TRHDE: variants seen among roughly 807,000 people sequenced by gnomAD.
TRHDE encodes thyrotropin-releasing hormone-degrading ectoenzyme.
Under a neutral mutation model 125.7 loss-of-function variants are expected in TRHDE, and 72 were observed. That is an observed-to-expected ratio of 0.57 (90% CI 0.47 to 0.70). The LOEUF (loss-of-function observed/expected upper bound fraction) is 0.70. Ranked by LOEUF, TRHDE falls within the 30% of genes least tolerant of loss-of-function variation. The pLI, the probability that TRHDE is intolerant of heterozygous loss-of-function variation, is 0.00. For missense variants in TRHDE, 1,110 were observed against 1,327.1 expected, an observed-to-expected ratio of 0.84 and a Z score of 2.54; for synonymous variants, 509 against 509.1, an observed-to-expected ratio of 1.00 and a Z score of 0.00.
intron 7 of TRHDE, among the ~76,000 whole-genome samples, chr12:72,544,170 A>T (rs757987306): frequency 1.3e-5 from 2 of 151,480 alleles, no homozygotes; most frequent in Non-Finnish European, 3.0e-5. Flanking sequence ...GATTTAGTGT[A>T]TCATCAGCAG....
chr12:72,420,619 G>A (rs1251226145), intron 3 of TRHDE, among the ~76,000 whole-genome samples: 1 of 152,014 alleles, frequency 6.6e-6, no homozygotes, highest in African/African-American at 2.4e-5. Context: ...AAAGCTAAGG[G>A]GATTAAATTA....
chr12:72,187,318 C>CACACAA (rs1877239467), intron 2 of TRHDE, among the ~76,000 whole-genome samples: 2 of 127,454 alleles, frequency 1.6e-5, no homozygotes, highest in African/African-American at 6.0e-5. Context: ...ACAACACACA[C>CACACAA]ACACACACAC....
chr12:72,221,322 G>A (rs2687490), intron 2 of TRHDE, among the ~76,000 whole-genome samples: 113,799 of 152,088 alleles, frequency 0.75, 42,842 homozygotes, highest in South Asian at 0.78. Context: ...AAACTCAAGA[G>A]TTATTGAATA....
At chr12:72,137,961 C>T (rs1398815543) in intron 2 of TRHDE, among the ~76,000 whole-genome samples, 1 of 152,198 alleles carries the variant, frequency 6.6e-6, no homozygotes, top group Non-Finnish European at 1.5e-5. Context: ...AATGGCAGTA[C>T]TTCTGAACCT....
Position 72,487,157 on chromosome 12 carries a change from T to G in TRHDE, c.1585-12341T>G, listed in dbSNP as rs79369638. Among the ~76,000 whole-genome samples, 1,037 of 151,780 alleles carry G rather than the reference T, an allele frequency of 6.8e-3. 11 individuals are homozygous for G. Among genetic ancestry groups the G allele is most frequent in the African/African-American group, 0.023 (964 of 41,428 alleles). ...AGTCAATGGGATTTATAGGACACCA[T>G]TAAGTAAAGAAATATTCATATTATG... On this transcript the variant is annotated intron_variant, in intron 5 of 18. Transcript: ENST00000261180.
upstream of TRHDE, among the ~76,000 whole-genome samples, chr12:72,269,064 A>G (rs955322847): frequency 6.6e-6 from 1 of 152,140 alleles, no homozygotes; most frequent in Non-Finnish European, 1.5e-5. Flanking sequence ...TTAAAAAGGA[A>G]TATTAGTAAA....
intron 2 of TRHDE, among the ~76,000 whole-genome samples, chr12:72,266,946 C>T (rs1424533370): frequency 6.6e-6 from 1 of 152,060 alleles, no homozygotes; most frequent in Non-Finnish European, 1.5e-5. Context: ...AATGCTTAGA[C>T]AAATACTTGG....
chr12:72,452,057 G>A (rs993705833), intron 3 of TRHDE, among the ~76,000 whole-genome samples: 2 of 152,136 alleles, frequency 1.3e-5, no homozygotes, highest in African/African-American at 4.8e-5. Flanking sequence ...TCAAACTCCT[G>A]GCCTCAAGTG....
intron 3 of TRHDE, among the ~76,000 whole-genome samples, chr12:72,397,369 G>C (rs896483098): frequency 2.0e-5 from 3 of 152,026 alleles, no homozygotes; most frequent in Non-Finnish European, 2.9e-5. Flanking sequence ...CTTCTTACTT[G>C]AACTTTTGCA....
At chr12:72,197,293 A>G (rs1319317794) in intron 2 of TRHDE, among the ~76,000 whole-genome samples, 1 of 152,076 alleles carries the variant, frequency 6.6e-6, no homozygotes, top group East Asian at 1.9e-4. Context: ...TCCATTTAAA[A>G]TGGCAACCCA....
chr12:72,194,168 T>C (rs1448049048), intron 2 of TRHDE, among the ~76,000 whole-genome samples: 9 of 152,094 alleles, frequency 5.9e-5, no homozygotes, highest in Admixed American at 5.9e-4. Context: ...TACTCTGAGA[T>C]AGAATTTAAG....
intron 15 of TRHDE, among the ~76,000 whole-genome samples, chr12:72,647,331 A>G (rs1258776220): frequency 6.6e-6 from 1 of 152,038 alleles, no homozygotes; most frequent in Non-Finnish European, 1.5e-5. Flanking sequence ...TAAAAGCAGT[A>G]CTAAGAGGGA....
In TRHDE at chr12:72,597,716, T is replaced by TATATAC. The variant is rs1241884167; in HGVS notation, c.2322-21170_2322-21169insCATATA. ...GTATATATATGTGTGTGTGTATGTA[T>TATATAC]ATATATATATATATATATATATATA... On this transcript the variant is annotated intron_variant, in intron 12 of 18. Transcript: ENST00000261180. 1.5e-3 allele frequency among the ~76,000 whole-genome samples: 3 copies of TATATAC among 2,016 alleles called. No homozygotes were observed. The East Asian group carries it at 0.068, about 46-fold the overall frequency. The allele number at this position is 2,016 out of a possible 152,430, so 1.3% of individuals were successfully genotyped here. A position where few individuals can be genotyped will look rare whatever the true frequency, so the allele number is the denominator to read the frequency against.
At chr12:72,503,171 T>C (rs775943662) in intron 6 of TRHDE, among the ~76,000 whole-genome samples, 1 of 152,160 alleles carries the variant, frequency 6.6e-6, no homozygotes, top group African/African-American at 2.4e-5. Flanking sequence ...ACATGGATAC[T>C]CTGTACTAGT....
intron 2 of TRHDE, among the ~76,000 whole-genome samples, chr12:72,192,988 C>T (rs923464082): frequency 6.6e-6 from 1 of 151,948 alleles, no homozygotes; most frequent in Admixed American, 6.6e-5. Context: ...GATAATTGCA[C>T]ATAAAATACT....
intron 5 of TRHDE, among the ~76,000 whole-genome samples, chr12:72,477,647 AAAG>A (rs1251390298): frequency 3.3e-5 from 5 of 152,214 alleles, no homozygotes; most frequent in African/African-American, 4.8e-5. Flanking sequence ...AAAGAGATAA[AAAG>A]AAGGACTGAC....
At chr12:72,405,646 C>T (rs1231036807) in intron 3 of TRHDE, among the ~76,000 whole-genome samples, 5 of 152,158 alleles carry the variant, frequency 3.3e-5, no homozygotes, top group Admixed American at 3.3e-4. Context: ...AAACAGAAAA[C>T]CACTTGGCTA....
chr12:72,467,902 A>G (rs887639766), intron 3 of TRHDE, among the ~76,000 whole-genome samples: 2 of 152,358 alleles, frequency 1.3e-5, no homozygotes, highest in African/African-American at 4.8e-5. Flanking sequence ...CAACCTTATT[A>G]TAAGACTGTT....
At chr12:72,518,790 T>C (rs530352609) in intron 6 of TRHDE, among the ~76,000 whole-genome samples, 1 of 152,344 alleles carries the variant, frequency 6.6e-6, no homozygotes, top group Non-Finnish European at 1.5e-5. Flanking sequence ...GTACTGGTCG[T>C]TCCTTTCCAT....
Sources: gnomAD v4.1 joint callset for allele counts (sites outside exome capture counted in the v4.1 genomes callset) on GRCh38, gnomAD v4.1.1 for gene constraint, MANE v1.5 for transcripts, NCBI Gene and HGNC (gene_info 2026-07-23, HGNC 2026-07-21) for gene names.